GAS7: variants seen among roughly 807,000 people sequenced by gnomAD.
GAS7 encodes growth arrest specific 7.
Under a neutral mutation model 71.1 loss-of-function variants are expected in GAS7, and 28 were observed. The observed-to-expected ratio is 0.39, with a 90% CI of 0.29 to 0.54. GAS7 has a LOEUF of 0.54. Ranked by LOEUF, GAS7 falls within the 20% of genes least tolerant of loss-of-function variation. The pLI, the probability that GAS7 is intolerant of heterozygous loss-of-function variation, is 0.62. For synonymous variants in GAS7, 258 were observed against 245.8 expected, an observed-to-expected ratio of 1.05 and a Z score of -0.46; for missense variants, 436 against 627.8, an observed-to-expected ratio of 0.69 and a Z score of 3.27.
chr17:10,182,535 G>A (rs1028113083), intron 1 of GAS7, among the ~76,000 whole-genome samples: 4 of 152,174 alleles, frequency 2.6e-5, no homozygotes, highest in African/African-American at 9.7e-5. Flanking sequence ...GTGAAGCCAA[G>A]AACCCATGTG....
intron 2 of GAS7, among the ~76,000 whole-genome samples, chr17:10,011,456 C>T (rs1281935101): frequency 3.9e-5 from 6 of 152,140 alleles, no homozygotes; most frequent in East Asian, 1.9e-4. Flanking sequence ...CTCCAGGCTA[C>T]GGCTCCTCCT....
chr17:10,153,791 G>A (rs2074184989), intron 1 of GAS7, among the ~76,000 whole-genome samples: 1 of 152,186 alleles, frequency 6.6e-6, no homozygotes, highest in Non-Finnish European at 1.5e-5. Flanking sequence ...AGCAGGCCAG[G>A]TGAGGTGGCT....
At chr17:10,106,011 T>C (rs9914016) in intron 1 of GAS7, among the ~76,000 whole-genome samples, 34,697 of 152,130 alleles carry the variant, frequency 0.23, 4,083 homozygotes, top group Middle Eastern at 0.29. Flanking sequence ...GCGGGGCCTT[T>C]ATCCTCTCCT....
rs572272518 is a variant in GAS7 at position 9,918,315 on chromosome 17, G to A, written c.1219-216C>T. On this transcript the variant is annotated intron_variant, in intron 12 of 13. Transcript: ENST00000432992. ...ACTTCCTGAAATCCTGCTCCGCCACGCACAGTGCTGAGGGCTTTACGTGCG... is the reference window on the plus strand; with the variant it reads ...ACTTCCTGAAATCCTGCTCCGCCACACACAGTGCTGAGGGCTTTACGTGCG... Among the ~76,000 whole-genome samples, 3 of 152,266 alleles carry A rather than the reference G, an allele frequency of 2.0e-5. No homozygotes were observed. In the South Asian group the frequency reaches 6.2e-4, roughly 32 times the overall value.
intron 4 of GAS7, among the ~76,000 whole-genome samples, chr17:9,962,291 C>T (rs2069531909): frequency 6.6e-6 from 1 of 151,638 alleles, no homozygotes; most frequent in South Asian, 2.1e-4. Flanking sequence ...TATCATAATT[C>T]TCCATTGAAA....
At chr17:10,046,770 GAGAA>G (rs796808250) in intron 1 of GAS7, among the ~76,000 whole-genome samples, 1,184 of 61,710 alleles carry the variant, frequency 0.019, 62 homozygotes, top group African/African-American at 0.031. Flanking sequence ...AAAGAAAGAA[GAGAA>G]AGAAAGAAAG....
intron 1 of GAS7, among the ~76,000 whole-genome samples, chr17:10,143,639 G>A (rs149447573): frequency 6.6e-6 from 1 of 152,226 alleles, no homozygotes; most frequent in East Asian, 1.9e-4. Context: ...CTTATAAGAA[G>A]AGGAAATTAG....
rs936380269 is a variant in GAS7 at position 9,917,020 on chromosome 17, G to A, written c.*208C>T. The A allele has an allele frequency of 1.3e-5, 8 of 592,820 alleles. No homozygotes were observed. The highest frequency in any genetic ancestry group is 2.9e-5 in the Admixed American group (1 of 33,930). 36.7% of individuals were successfully genotyped at this position (592,820 alleles called of 1,614,324 possible). ...GGGGGTCTTCAGCCTCAGAGACAAGGGCAGGGCTGTGGGTCTGTCTTCTGG... is the reference window on the plus strand; with the variant it reads ...GGGGGTCTTCAGCCTCAGAGACAAGAGCAGGGCTGTGGGTCTGTCTTCTGG... On this transcript the variant is annotated 3_prime_UTR_variant, in exon 14 of 14. Transcript: ENST00000432992.
At chr17:10,180,333 A>C (rs937510832) in intron 1 of GAS7, among the ~76,000 whole-genome samples, 3 of 148,078 alleles carry the variant, frequency 2.0e-5, no homozygotes, top group Non-Finnish European at 4.5e-5. Flanking sequence ...CTCTGCCTCA[A>C]AAAAAAAAAA....
intron 9 of GAS7, chr17:9,927,037 G>C: frequency 2.6e-6 from 1 of 381,936 alleles, no homozygotes; most frequent in Non-Finnish European, 4.7e-6. Context: ...TTCCCCATCT[G>C]TTAACTACTT....
intron 1 of GAS7, among the ~76,000 whole-genome samples, chr17:10,164,848 G>GAAAAAA (rs755151597): frequency 3.8e-5 from 4 of 106,106 alleles, no homozygotes; most frequent in African/African-American, 7.1e-5. Flanking sequence ...ATGAAAAAAG[G>GAAAAAA]AAAAAAAAAA....
At position 10,161,734 on chromosome 17, in the gene GAS7, C is replaced by G. The variant is rs201368756; in HGVS notation, c.183+36474G>C. On this transcript the variant is annotated intron_variant, in intron 1 of 13. Coordinates refer to ENST00000432992, the MANE Select transcript of GAS7 (RefSeq NM_201433.2). Reference sequence around the variant, plus strand: ...AACATACAATGATGGATGATGAAGCCAAATGCAAATGTCCAGTTGCCAATC... The same window carrying G: ...AACATACAATGATGGATGATGAAGCGAAATGCAAATGTCCAGTTGCCAATC... Among the ~76,000 whole-genome samples the G allele has an allele frequency of 7.2e-5, 11 of 152,256 alleles. No individual in the cohort carries two copies. The East Asian group carries it at 1.9e-3, about 27-fold the overall frequency.
At chr17:10,073,744 G>T (rs2073364466) in intron 1 of GAS7, among the ~76,000 whole-genome samples, 1 of 152,130 alleles carries the variant, frequency 6.6e-6, no homozygotes, top group South Asian at 2.1e-4. Context: ...ACAGCTACAC[G>T]GGCGCTTGAG....
At chr17:10,036,406 T>A in intron 1 of GAS7, 1 of 1,559,016 alleles carries the variant, frequency 6.4e-7, no homozygotes, top group South Asian at 1.1e-5. Flanking sequence ...GGAGCATACA[T>A]CTGCAGGCAA....
At chr17:10,088,213 T>C (rs1271169472) in intron 1 of GAS7, among the ~76,000 whole-genome samples, 3 of 109,544 alleles carry the variant, frequency 2.7e-5, no homozygotes, top group Non-Finnish European at 5.4e-5. Flanking sequence ...AGAGCGAGAC[T>C]CTATCTCAAT....
chr17:10,051,596 C>G (rs2073063614), intron 1 of GAS7, among the ~76,000 whole-genome samples: 1 of 152,172 alleles, frequency 6.6e-6, no homozygotes, highest in Non-Finnish European at 1.5e-5. Context: ...GCGGAGAACA[C>G]ACGCAAGTCC....
At chr17:10,076,971 C>T (rs2152249691) in intron 1 of GAS7, among the ~76,000 whole-genome samples, 1 of 152,304 alleles carries the variant, frequency 6.6e-6, no homozygotes, top group African/African-American at 2.4e-5. Flanking sequence ...ATTGACTGCC[C>T]TTTGCCATAT....
chr17:10,145,706 G>C (rs891070705), intron 1 of GAS7, among the ~76,000 whole-genome samples: 1 of 152,202 alleles, frequency 6.6e-6, no homozygotes, highest in African/African-American at 2.4e-5. Flanking sequence ...AGCTGGGCCA[G>C]GTGGGGGAGG....
chr17:10,062,089 A>C lies in GAS7; in HGVS notation c.184-42192T>G, dbSNP rs530412180. Among the ~76,000 whole-genome samples the C allele has an allele frequency of 5.3e-5, 8 of 152,354 alleles. No individual in the cohort carries two copies. The South Asian group carries it at 1.7e-3, about 32-fold the overall frequency. ...AGTTGGTTCCCGGTGCCCCCGACCC[A>C]GGTGCATGTCCACGGAGGGATCAAG... On this transcript the variant is annotated intron_variant, in intron 1 of 13. Transcript: ENST00000432992.
Sources: allele counts gnomAD v4.1 joint callset (sites outside exome capture counted in the v4.1 genomes callset), GRCh38; gene constraint gnomAD v4.1.1; transcripts MANE v1.5; gene names NCBI Gene and HGNC (gene_info 2026-07-23, HGNC 2026-07-21).